The following SLC44A5 variants were observed in gnomAD, a reference collection of about 807,000 sequenced individuals.
SLC44A5 encodes the protein choline transporter-like protein 5.
SLC44A5 carries 57 observed loss-of-function variants against 101.8 expected under a neutral mutation model. The ratio of observed to expected loss-of-function variants is 0.56; its 90% CI spans 0.45 to 0.70. The LOEUF is 0.70. Ranked by LOEUF, SLC44A5 falls within the 30% of genes least tolerant of loss-of-function variation. SLC44A5 has a pLI of 0.00. For missense variants in SLC44A5, 737 were observed against 853.1 expected, an observed-to-expected ratio of 0.86 and a Z score of 1.70; for synonymous variants, 281 against 290.9, an observed-to-expected ratio of 0.97 and a Z score of 0.35.
At chr1:75,247,440 G>T (rs961667990) in intron 7 of SLC44A5, among the ~76,000 whole-genome samples, 3 of 152,076 alleles carry the variant, frequency 2.0e-5, no homozygotes, top group African/African-American at 7.2e-5. Flanking sequence ...CACATGGGTG[G>T]TTGGATAGAA....
intron 2 of SLC44A5, among the ~76,000 whole-genome samples, chr1:75,438,870 C>T (rs1015759271): frequency 2.6e-5 from 4 of 152,044 alleles, no homozygotes; most frequent in African/African-American, 9.7e-5. Flanking sequence ...TCTTCAAAGA[C>T]TTCAGATATT....
At chr1:75,219,229 A>G in intron 16 of SLC44A5, 28 bp downstream of exon 16, 1 of 1,431,146 alleles carries the variant, frequency 7.0e-7, no homozygotes, top group African/African-American at 1.4e-5. Flanking sequence ...TATTGAAGTA[A>G]GTAAATGAAA....
intron 2 of SLC44A5, among the ~76,000 whole-genome samples, chr1:75,505,869 G>GT (rs1406153867): frequency 6.6e-6 from 1 of 151,962 alleles, no homozygotes; most frequent in African/African-American, 2.4e-5. Context: ...GGTCTCACTT[G>GT]TTTTTTGTTT....
At chr1:75,722,498 C>A in the SLC44A5 span, among the ~76,000 whole-genome samples, 1 of 152,160 alleles carries the variant, frequency 6.6e-6, no homozygotes, top group African/African-American at 2.4e-5. Flanking sequence ...AGGAGGACTG[C>A]TGAGGGTAGT....
chr1:75,469,088 C>A (rs1416420346), intron 2 of SLC44A5, among the ~76,000 whole-genome samples: 1 of 152,070 alleles, frequency 6.6e-6, no homozygotes, highest in African/African-American at 2.4e-5. Flanking sequence ...TTAATAATGC[C>A]TTTTACTCAA....
At chr1:75,708,069 G>A in the SLC44A5 span, among the ~76,000 whole-genome samples, 1 of 151,956 alleles carries the variant, frequency 6.6e-6, no homozygotes, top group African/African-American at 2.4e-5. Context: ...AGGCTAGTGG[G>A]AATGTTAACT....
chr1:75,265,134 G>T (rs1361627507), intron 6 of SLC44A5, among the ~76,000 whole-genome samples: 3 of 152,120 alleles, frequency 2.0e-5, no homozygotes, highest in South Asian at 2.1e-4. Context: ...ACAAAGAAAA[G>T]TTCAGGACCA....
the SLC44A5 span, among the ~76,000 whole-genome samples, chr1:75,668,653 G>A: frequency 1.3e-5 from 2 of 151,168 alleles, no homozygotes; most frequent in Non-Finnish European, 2.9e-5. Context: ...TTTCTGAAAC[G>A]CTTGTTTATC....
chr1:75,238,685 T>G, intron 9 of SLC44A5, 49 bp from the exon 10 acceptor site: 1 of 1,257,136 alleles, frequency 8.0e-7, no homozygotes, highest in South Asian at 1.6e-5. Flanking sequence ...ATTTCTTCTT[T>G]AATGATGTCC....
At chr1:75,497,139 T>C (rs1193863087) in intron 2 of SLC44A5, among the ~76,000 whole-genome samples, 1 of 152,144 alleles carries the variant, frequency 6.6e-6, no homozygotes, top group East Asian at 1.9e-4. Context: ...TCTGAGTACA[T>C]ATCCAAAGGC....
At chr1:75,683,271 A>G in the SLC44A5 span, among the ~76,000 whole-genome samples, 1 of 152,128 alleles carries the variant, frequency 6.6e-6, no homozygotes, top group African/African-American at 2.4e-5. Context: ...TACCCAAAGG[A>G]CTATAAATCA....
intron 2 of SLC44A5, among the ~76,000 whole-genome samples, chr1:75,478,938 C>G (rs1667623906): frequency 6.6e-6 from 1 of 152,306 alleles, no homozygotes; most frequent in Admixed American, 6.5e-5. Flanking sequence ...CCCAAATCAA[C>G]AGAATATACA....
intron 2 of SLC44A5, among the ~76,000 whole-genome samples, chr1:75,424,725 A>T (rs1289744995): frequency 1.3e-5 from 2 of 152,194 alleles, no homozygotes; most frequent in African/African-American, 4.8e-5. Flanking sequence ...AAGATGAAAG[A>T]TGAAATATCA....
chr1:75,222,433 A>G lies in SLC44A5; in HGVS notation c.1013T>C (p.Ile338Thr). The G allele has an allele frequency of 1.2e-6, 2 of 1,613,012 alleles. No homozygotes were observed. Among genetic ancestry groups the G allele is most frequent in the South Asian group, 1.1e-5 (1 of 91,074 alleles). ...GAGGAAGATCAGCATGAGGATGACAATCACTTCAATGATGCAGAGTATTAT... is the reference window on the plus strand; with the variant it reads ...GAGGAAGATCAGCATGAGGATGACAGTCACTTCAATGATGCAGAGTATTAT... ...FMIILCIIEV[I>T]VILMLIFLRN... The change falls in exon 14 of 24, where the codon ATT becomes ACT. Residue 338 changes from isoleucine to threonine, a missense_variant. Transcript: ENST00000370859.
intron 2 of SLC44A5, among the ~76,000 whole-genome samples, chr1:75,500,154 T>G (rs1189067359): frequency 6.6e-6 from 1 of 152,228 alleles, no homozygotes; most frequent in Admixed American, 6.5e-5. Context: ...ATTGCTATTA[T>G]GTGAGCCGGA....
chr1:75,680,462 C>G, the SLC44A5 span, among the ~76,000 whole-genome samples: 4 of 151,852 alleles, frequency 2.6e-5, no homozygotes, highest in African/African-American at 7.3e-5. Context: ...GAATCTCACT[C>G]AAAACTGCTC....
intron 13 of SLC44A5, among the ~76,000 whole-genome samples, chr1:75,224,833 G>A (rs941397214): frequency 2.0e-5 from 3 of 151,612 alleles, no homozygotes; most frequent in Admixed American, 2.0e-4. Flanking sequence ...GAAAGAAGAT[G>A]TTTTTGTACA....
At chr1:75,584,579 T>G (rs1028223995) in intron 1 of SLC44A5, among the ~76,000 whole-genome samples, 2 of 152,024 alleles carry the variant, frequency 1.3e-5, no homozygotes, top group African/African-American at 4.8e-5. Flanking sequence ...TTGTGGGGGT[T>G]TTTTTGGGAT....
At chr1:75,695,254 T>C in the SLC44A5 span, among the ~76,000 whole-genome samples, 1 of 152,232 alleles carries the variant, frequency 6.6e-6, no homozygotes, top group Non-Finnish European at 1.5e-5. Context: ...CTAGTTCCTG[T>C]TGACTTTGGC....
Sources: gnomAD v4.1 joint callset for allele counts (sites outside exome capture counted in the v4.1 genomes callset) on GRCh38, gnomAD v4.1.1 for gene constraint, MANE v1.5 for transcripts, NCBI Gene and HGNC (gene_info 2026-07-23, HGNC 2026-07-21) for gene names.